Variants in TSN observed in about 807,000 individuals in gnomAD.
TSN encodes the protein translin.
A neutral mutation model predicts 29.4 loss-of-function variants in TSN; 5 were observed. That is an observed-to-expected ratio of 0.17 (90% confidence interval 0.09 to 0.36). The LOEUF (loss-of-function observed/expected upper bound fraction) is 0.36. Among genes scored for constraint, TSN ranks in the 10% least tolerant of loss-of-function variants. The probability of loss-of-function intolerance (pLI) is 1.00; values close to 1 mark genes in which losing one functional copy is unlikely to be tolerated. For missense variants in TSN, 159 were observed against 272.8 expected (o/e 0.58, Z 2.94); for synonymous variants, 106 against 102.2 (o/e 1.04, Z -0.23).
intron 2 of TSN, chr2:121,757,610 C>T: frequency 4.4e-6 from 2 of 451,710 alleles, no homozygotes; most frequent in South Asian, 5.3e-5. Flanking sequence ...TCTCTGCCAG[C>T]ACAGTATTCT....
intron 5 of TSN, among the ~76,000 whole-genome samples, chr2:121,763,734 T>C (rs1303305969): frequency 1.3e-5 from 2 of 152,210 alleles, no homozygotes; most frequent in Non-Finnish European, 1.5e-5. Context: ...GTTATTCTTA[T>C]CCTTTATTCC....
intron 3 of TSN, among the ~76,000 whole-genome samples, chr2:121,760,589 G>T (rs921490087): frequency 1.3e-5 from 2 of 152,116 alleles, no homozygotes; most frequent in Non-Finnish European, 2.9e-5. Context: ...ATATCCACAG[G>T]TTGTAAAATT....
chr2:121,762,703 A>C (rs568778187), intron 4 of TSN, among the ~76,000 whole-genome samples: 22 of 152,300 alleles, frequency 1.4e-4, no homozygotes, highest in African/African-American at 5.1e-4. Context: ...TGAAAGTTGC[A>C]AATATCGTAA....
rs1313714957 is a variant in TSN at position 121,756,510 on chromosome 2, C to T, written c.66+665C>T. 1.2e-5 allele frequency: 6 copies of T among 495,482 alleles called. No homozygotes were observed. The Admixed American group carries it at 1.2e-4, about 10-fold the overall frequency. 30.7% of individuals were successfully genotyped at this position (495,482 alleles called of 1,614,324 possible). On this transcript the variant is annotated intron_variant, in intron 1 of 5. Transcript: ENST00000389682. ...TTGATTATTTTAAAAAAATCTTCTCCCTCATTGTATGTTAAACCGCCAGAG... is the reference window on the plus strand; with the variant it reads ...TTGATTATTTTAAAAAAATCTTCTCTCTCATTGTATGTTAAACCGCCAGAG...
intron 3 of TSN, 146 bp downstream of exon 3, chr2:121,758,952 C>G (rs539096987): frequency 4.6e-5 from 21 of 454,382 alleles, no homozygotes; most frequent in African/African-American, 3.7e-4. Flanking sequence ...ATGGTCATGA[C>G]AAAAATTGGT....
Position 121,758,717 on chromosome 2 carries a change from G to A in TSN, c.168G>A (p.Lys56=). Residue 56 remains lysine (K), a synonymous_variant, in exon 3 of 6, where the codon AAG becomes AAA. Transcript: ENST00000389682. Reference sequence around the variant, plus strand: ...GTTATCTTTTGTGACTAGTTCCAAAGAGGTGTTTGAAAGCTCGAGAACATT... The same window carrying A: ...GTTATCTTTTGTGACTAGTTCCAAAAAGGTGTTTGAAAGCTCGAGAACATT... ...HQGAGFQDIP[K]RCLKAREHFG... 1 of 1,578,422 alleles carries A rather than the reference G, an allele frequency of 6.3e-7. No individual in the cohort carries two copies. Among genetic ancestry groups the A allele is most frequent in the Non-Finnish European group, 8.6e-7 (1 of 1,166,416 alleles).
rs2074892703 is a variant in TSN at position 121,765,723 on chromosome 2, G to A, written c.*356G>A. On this transcript the variant is annotated 3_prime_UTR_variant, in exon 6 of 6. Transcript: ENST00000389682. The stretch of plus-strand genomic sequence containing the variant: ...TCTCGTTTGTGATTCTTCCAGATGT[G>A]ATGCTTGATATTTTCTATATGCGAG... The A allele has an allele frequency of 1.3e-5, 3 of 222,794 alleles. No individual in the cohort carries two copies. Among genetic ancestry groups the A allele is most frequent in the Admixed American group, 1.1e-4 (2 of 19,032 alleles). 13.8% of individuals were successfully genotyped at this position (222,794 alleles called of 1,614,324 possible).
chr2:121,758,680 GT>G, intron 2 of TSN, 29 bp from the exon 3 acceptor site: 1 of 1,508,872 alleles, frequency 6.6e-7, no homozygotes, highest in East Asian at 2.4e-5. Context: ...ATTTGGTTAA[GT>G]TTTTCATTTG....
chr2:121,765,075 A>G, intron 5 of TSN, 59 bp from the exon 6 acceptor site: 12 of 1,510,008 alleles, frequency 7.9e-6, no homozygotes, highest in Non-Finnish European at 1.1e-5. Context: ...ATTCAGAGGA[A>G]GATGCGCTGA....
Position 121,755,756 on chromosome 2 carries a change from G to T in TSN, c.-24G>T. ...TTCCTTGGCCGCCCTTGCTACACTG[G>T]CTGATTGTTGTGCAGCCGGCGCCAT... On this transcript the variant is annotated 5_prime_UTR_variant, in exon 1 of 6. Transcript: ENST00000389682. The T allele has an allele frequency of 6.2e-7, 1 of 1,612,760 alleles. No homozygotes were observed. Among genetic ancestry groups the T allele is most frequent in the South Asian group, 1.1e-5 (1 of 91,082 alleles).
intron 2 of TSN, 36 bp from the exon 3 acceptor site, chr2:121,758,674 G>A: frequency 6.8e-7 from 1 of 1,466,906 alleles, no homozygotes; most frequent in Non-Finnish European, 9.2e-7. Flanking sequence ...TTTGAAATTT[G>A]GTTAAGTTTT....
rs2074907761 is a variant in TSN at position 121,766,729 on chromosome 2, G to A, written c.*1362G>A. 6.6e-6 allele frequency: 1 copy of A among 152,208 alleles called. No individual in the cohort carries two copies. The highest frequency in any genetic ancestry group is 2.4e-5 in the African/African-American group (1 of 41,458). 9.4% of individuals were successfully genotyped at this position (152,208 alleles called of 1,614,324 possible). The stretch of plus-strand genomic sequence containing the variant: ...CCCACTGAAAGGAAAGTGCTTTCCA[G>A]AATAATATGAAGTATCTAAAAGTGT... On this transcript the variant is annotated 3_prime_UTR_variant, in exon 6 of 6. Transcript: ENST00000389682.
At chr2:121,765,111 C>G (rs906205370) in intron 5 of TSN, 23 bp from the exon 6 acceptor site, 1 of 1,610,364 alleles carries the variant, frequency 6.2e-7, no homozygotes, top group Non-Finnish European at 8.5e-7. Context: ...TAACAAGCCC[C>G]TGTTTTCTCT....
In TSN at chr2:121,758,748, A is replaced by G; in HGVS notation, c.199A>G (p.Thr67Ala). ...RCLKAREHFG[T>A]VKTHLTSLKT... Reference sequence around the variant, plus strand: ...TTTGAAAGCTCGAGAACATTTTGGTACAGTAAAAACACATCTAACATCTTT... The same window carrying G: ...TTTGAAAGCTCGAGAACATTTTGGTGCAGTAAAAACACATCTAACATCTTT... The change falls in exon 3 of 6, where the codon ACA becomes GCA. Residue 67 changes from threonine to alanine, a missense_variant. This residue lies in a region of TSN where 31 missense variants were observed against 26.1 expected (regional missense o/e 1.19). Transcript: ENST00000389682. 1.3e-6 allele frequency: 2 copies of G among 1,590,506 alleles called. No individual in the cohort carries two copies. Among genetic ancestry groups the G allele is most frequent in the Non-Finnish European group, 1.7e-6 (2 of 1,170,300 alleles).
chr2:121,759,793 G>GTA (rs1477780548), intron 3 of TSN, among the ~76,000 whole-genome samples: 7 of 152,198 alleles, frequency 4.6e-5, no homozygotes, highest in African/African-American at 7.2e-5. Context: ...GGGGTGGGTA[G>GTA]TATAACCTTA....
chr2:121,755,970 C>G, intron 1 of TSN, 125 bp downstream of exon 1: 2 of 1,526,350 alleles, frequency 1.3e-6, no homozygotes, highest in Non-Finnish European at 1.8e-6. Flanking sequence ...TGCTTCCCCT[C>G]TAGCTTTAGG....
chr2:121,764,160 A>G (rs1404285258), intron 5 of TSN, among the ~76,000 whole-genome samples: 1 of 152,108 alleles, frequency 6.6e-6, no homozygotes, highest in Non-Finnish European at 1.5e-5. Flanking sequence ...TGGAGTGGGT[A>G]TGTGTGCATT....
rs965524380 is a variant in TSN at position 121,765,598 on chromosome 2, G to A, written c.*231G>A. 1.5e-5 allele frequency: 8 copies of A among 551,586 alleles called. No individual in the cohort carries two copies. Among genetic ancestry groups the A allele is most frequent in the Non-Finnish European group, 2.3e-5 (7 of 310,840 alleles). The allele number at this position is 551,586 out of a possible 1,614,324, so 34.2% of individuals were successfully genotyped here. A position where few individuals can be genotyped will look rare whatever the true frequency, so the allele number is the denominator to read the frequency against. The stretch of plus-strand genomic sequence containing the variant: ...TTTCAGTGAATATGCCTGTAATTCA[G>A]TGTATTTCAGTTCCGTCAGAAAGTG... On this transcript the variant is annotated 3_prime_UTR_variant, in exon 6 of 6. Coordinates refer to ENST00000389682, the MANE Select transcript of TSN (RefSeq NM_004622.3).
chr2:121,757,657 T>TC, intron 2 of TSN: 1 of 238,158 alleles, frequency 4.2e-6, no homozygotes, highest in South Asian at 5.6e-5. Context: ...ATTATTTTTT[T>TC]AATTTTTTTT....
Sources: allele counts gnomAD v4.1 joint callset (sites outside exome capture counted in the v4.1 genomes callset), GRCh38; gene constraint gnomAD v4.1.1; regional missense constraint gnomAD v4.1.1; transcripts MANE v1.5; gene names NCBI Gene and HGNC (gene_info 2026-07-23, HGNC 2026-07-21).